PDZD2: variants seen among roughly 807,000 people sequenced by gnomAD.
PDZD2 encodes the protein PDZ domain containing 2, also known as PDZ domain-containing protein 2.
In PDZD2, 90 loss-of-function variants were observed where a neutral mutation model predicts 220.7. That is an observed-to-expected ratio of 0.41 (90% CI 0.34 to 0.49). PDZD2 has a LOEUF of 0.49. PDZD2 is among the 20% of genes least tolerant of loss of function. The pLI is 0.28. For synonymous variants in PDZD2, 1,375 were observed against 1,450.5 expected (o/e 0.95, Z 1.18); for missense variants, 3,174 against 3,608.5 (o/e 0.88, Z 3.08).
In PDZD2 at chr5:31,972,343, A is replaced by T. The variant is rs561527641; in HGVS notation, c.477-10812A>T. Reference sequence around the variant, plus strand: ...TGCCTAGGCTGATCTTGAACTCCTGAGTTCAAATGATCCACCCGCCTCAGT... The same window carrying T: ...TGCCTAGGCTGATCTTGAACTCCTGTGTTCAAATGATCCACCCGCCTCAGT... On this transcript the variant is annotated intron_variant, in intron 2 of 24. Transcript: ENST00000438447. Among the ~76,000 whole-genome samples, 4 of 152,212 alleles carry T rather than the reference A, an allele frequency of 2.6e-5. No individual in the cohort carries two copies. In the South Asian group the frequency reaches 8.3e-4, roughly 32 times the overall value.
chr5:31,983,606 T>C lies in PDZD2; in HGVS notation c.928T>C (p.Phe310Leu). The C allele has an allele frequency of 1.2e-6, 2 of 1,614,140 alleles. No individual in the cohort carries two copies. Among genetic ancestry groups the C allele is most frequent in the Non-Finnish European group, 1.7e-6 (2 of 1,180,020 alleles). Residue 310 changes from phenylalanine (F) to leucine (L), a missense_variant, in exon 3 of 25, where the codon TTC (phenylalanine) becomes CTC (leucine). Phe to Leu is a conservative substitution (Grantham distance 22, BLOSUM62 0). Transcript: ENST00000438447. ...PLTTSNDKRR[F>L]SKGGKTDFQS... ...GACCACAAGCAATGACAAACGCCGCTTCTCAAAAGGTGGGAAGACGGACTT... is the reference window on the plus strand; with the variant it reads ...GACCACAAGCAATGACAAACGCCGCCTCTCAAAAGGTGGGAAGACGGACTT...
chr5:31,971,296 G>C (rs1192696946), intron 2 of PDZD2, among the ~76,000 whole-genome samples: 2 of 152,202 alleles, frequency 1.3e-5, no homozygotes, highest in African/African-American at 4.8e-5. Flanking sequence ...TCCTCCAGAG[G>C]GGATAAACGC....
chr5:31,876,822 G>A (rs1431385582), intron 2 of PDZD2, among the ~76,000 whole-genome samples: 2 of 152,214 alleles, frequency 1.3e-5, no homozygotes, highest in East Asian at 3.8e-4. Flanking sequence ...ACATAAAGAT[G>A]AAAGCAATGG....
intron 2 of PDZD2, among the ~76,000 whole-genome samples, chr5:31,837,074 A>G (rs943506666): frequency 6.6e-6 from 1 of 152,084 alleles, no homozygotes; most frequent in Non-Finnish European, 1.5e-5. Context: ...AAATAAATAA[A>G]TCATGTAGAC....
intron 1 of PDZD2, among the ~76,000 whole-genome samples, chr5:31,785,774 C>T (rs1415796651): frequency 6.6e-6 from 1 of 152,076 alleles, no homozygotes; most frequent in Non-Finnish European, 1.5e-5. Context: ...CATGCCCCTA[C>T]CACAGCAGGA....
rs141086186 is a variant in PDZD2 at position 31,955,378 on chromosome 5, G to T, written c.477-27777G>T. Among the ~76,000 whole-genome samples, 369 of 151,900 alleles carry T rather than the reference G, an allele frequency of 2.4e-3. 3 individuals carry two copies. Among genetic ancestry groups the T allele is most frequent in the African/African-American group, 8.5e-3 (352 of 41,438 alleles). On this transcript the variant is annotated intron_variant, in intron 2 of 24. Coordinates refer to ENST00000438447, the MANE Select transcript of PDZD2 (RefSeq NM_178140.4). ...TGCAGTGGCATGATCTCGGCTCACT[G>T]CATCTTCTGCCTCCCAGATTCCAGC...
chr5:31,684,343 A>C (rs916583885), intron 1 of PDZD2, among the ~76,000 whole-genome samples: 23 of 152,062 alleles, frequency 1.5e-4, no homozygotes, highest in African/African-American at 5.6e-4. Context: ...AAGCAATGGG[A>C]GTCATCCTGG....
intron 2 of PDZD2, among the ~76,000 whole-genome samples, chr5:31,925,834 A>G (rs545424846): frequency 4.6e-5 from 7 of 152,270 alleles, no homozygotes; most frequent in African/African-American, 1.7e-4. Flanking sequence ...GAAGACATAC[A>G]AGTGGCCAGC....
At chr5:31,931,254 A>G (rs1364919774) in intron 2 of PDZD2, among the ~76,000 whole-genome samples, 1 of 151,856 alleles carries the variant, frequency 6.6e-6, no homozygotes, top group African/African-American at 2.4e-5. Context: ...AACGCCTGAC[A>G]TCAAGTGATC....
intron 2 of PDZD2, chr5:31,822,821 G>T: frequency 1.2e-6 from 1 of 843,652 alleles, no homozygotes; most frequent in African/African-American, 1.7e-5. Flanking sequence ...CAATTCTCCT[G>T]GATAATGATG....
intron 2 of PDZD2, among the ~76,000 whole-genome samples, chr5:31,827,518 C>A (rs1212662536): frequency 6.6e-6 from 1 of 151,866 alleles, no homozygotes; most frequent in South Asian, 2.1e-4. Context: ...CATGGTAACA[C>A]CCCGTCTCTA....
intron 1 of PDZD2, among the ~76,000 whole-genome samples, chr5:31,794,101 C>T (rs1753870904): frequency 6.6e-6 from 1 of 152,164 alleles, no homozygotes; most frequent in African/African-American, 2.4e-5. Flanking sequence ...ATCCTACCAA[C>T]ACAAAAATTT....
chr5:31,708,375 G>C, intron 1 of PDZD2, among the ~76,000 whole-genome samples: 1 of 152,194 alleles, frequency 6.6e-6, no homozygotes, highest in Non-Finnish European at 1.5e-5. Flanking sequence ...CCTAGAAGAG[G>C]GGCCACGTGG....
intron 5 of PDZD2, among the ~76,000 whole-genome samples, chr5:32,007,796 G>C (rs907876922): frequency 6.6e-6 from 1 of 152,118 alleles, no homozygotes; most frequent in African/African-American, 2.4e-5. Context: ...CCATGGATTC[G>C]CTCTAGAGCC....
At chr5:32,035,310 G>A in intron 6 of PDZD2, among the ~76,000 whole-genome samples, 1 of 151,886 alleles carries the variant, frequency 6.6e-6, no homozygotes, top group East Asian at 1.9e-4. Context: ...ACCTAGGATG[G>A]AGTGCAGTGG....
chr5:31,874,783 A>T (rs1739160671), intron 2 of PDZD2, among the ~76,000 whole-genome samples: 1 of 151,930 alleles, frequency 6.6e-6, no homozygotes, highest in African/African-American at 2.4e-5. Flanking sequence ...AAAAGATAAA[A>T]TGCAAAACAG....
In PDZD2 at chr5:32,087,831, A is replaced by C; in HGVS notation, c.4383A>C (p.Pro1461=). ...SQEGSAQGHP[P]AGAGGGSSCR... ...AGGGCAGTGCTCAGGGCCACCCACCAGCCGGGGCTGGAGGTGGGAGCTCCT... is the reference window on the plus strand; with the variant it reads ...AGGGCAGTGCTCAGGGCCACCCACCCGCCGGGGCTGGAGGTGGGAGCTCCT... The change falls in exon 20 of 25, where the codon CCA becomes CCC. Residue 1461 remains proline (P), a synonymous_variant. Coordinates refer to ENST00000438447, the MANE Select transcript of PDZD2 (RefSeq NM_178140.4). This position sits in a 1 kb window ranked among gnomAD's most constrained non-coding sequence, Gnocchi z 4.0. The C allele has an allele frequency of 1.2e-6, 2 of 1,612,152 alleles. No individual in the cohort carries two copies. Among genetic ancestry groups the C allele is most frequent in the Non-Finnish European group, 1.7e-6 (2 of 1,179,382 alleles).
At chr5:31,687,679 T>C (rs530742524) in intron 1 of PDZD2, among the ~76,000 whole-genome samples, 258 of 152,302 alleles carry the variant, frequency 1.7e-3, no homozygotes, top group South Asian at 4.4e-3. Context: ...TATTTTGTCA[T>C]AGTTCTGGAG....
chr5:31,694,072 G>A (rs749849010), intron 1 of PDZD2, among the ~76,000 whole-genome samples: 19 of 152,200 alleles, frequency 1.2e-4, no homozygotes, highest in South Asian at 6.2e-4. Context: ...AAAATGCTTC[G>A]TAATCATGTT....
Sources: gnomAD v4.1 joint callset for allele counts (sites outside exome capture counted in the v4.1 genomes callset) on GRCh38, gnomAD v4.1.1 for gene constraint, Gnocchi (gnomAD v3.1) non-coding constraint, MANE v1.5 for transcripts, NCBI Gene and HGNC (gene_info 2026-07-23, HGNC 2026-07-21) for gene names.